CORIN: variants seen among roughly 807,000 people sequenced by gnomAD.
CORIN encodes atrial natriuretic peptide-converting enzyme.
Under a neutral mutation model 125.3 loss-of-function variants are expected in CORIN, and 117 were observed. The observed-to-expected ratio is 0.93, with a 90% confidence interval of 0.80 to 1.09. The LOEUF is 1.09. Ranked by LOEUF, CORIN falls within the 50% of genes least tolerant of loss-of-function variation. CORIN has a pLI of 0.00. For missense variants in CORIN, 1,253 were observed against 1,306.7 expected, an observed-to-expected ratio of 0.96 and a Z score of 0.63; for synonymous variants, 450 against 466.4, an observed-to-expected ratio of 0.96 and a Z score of 0.45.
chr4:47,687,222 T>C (rs1725560521), intron 6 of CORIN, among the ~76,000 whole-genome samples: 1 of 152,186 alleles, frequency 6.6e-6, no homozygotes, highest in Non-Finnish European at 1.5e-5. Flanking sequence ...CGCAAAACCT[T>C]AACCAGAGGC....
At chr4:47,730,259 G>A (rs1195539244) in intron 5 of CORIN, among the ~76,000 whole-genome samples, 1 of 152,086 alleles carries the variant, frequency 6.6e-6, no homozygotes, top group Non-Finnish European at 1.5e-5. Context: ...CGGATCACGA[G>A]GTCAGGAGTT....
At chr4:47,732,650 G>A (rs1289934089) in intron 5 of CORIN, among the ~76,000 whole-genome samples, 1 of 147,596 alleles carries the variant, frequency 6.8e-6, no homozygotes, top group East Asian at 2.0e-4. Flanking sequence ...TGCAACCTCC[G>A]CCTCCCAGGC....
At chr4:47,678,804 C>G (rs1577816956) in intron 8 of CORIN, among the ~76,000 whole-genome samples, 1 of 150,060 alleles carries the variant, frequency 6.7e-6, no homozygotes, top group Admixed American at 6.7e-5. Flanking sequence ...GTTCTTGAGT[C>G]AAGACTCCAC....
intron 5 of CORIN, among the ~76,000 whole-genome samples, chr4:47,714,004 T>C (rs1162189971): frequency 6.6e-6 from 1 of 152,120 alleles, no homozygotes; most frequent in Non-Finnish European, 1.5e-5. Context: ...AGGTACCTCA[T>C]GAAAGGAGAC....
chr4:47,701,671 TA>T, intron 5 of CORIN, among the ~76,000 whole-genome samples: 1 of 152,130 alleles, frequency 6.6e-6, no homozygotes, highest in Non-Finnish European at 1.5e-5. Context: ...ATTTTAAATC[TA>T]ATTTAAAAAG....
chr4:47,688,285 C>T lies in CORIN; in HGVS notation c.914-4447G>A, dbSNP rs148182150. On this transcript the variant is annotated intron_variant, in intron 6 of 21. Coordinates refer to ENST00000273857, the MANE Select transcript of CORIN (RefSeq NM_006587.4). Reference sequence around the variant, plus strand: ...CAATTTTTTTGACTTTGTGATATTGCTTGTGTTATACTGTTTTAAAATACC... The same window carrying T: ...CAATTTTTTTGACTTTGTGATATTGTTTGTGTTATACTGTTTTAAAATACC... Among the ~76,000 whole-genome samples, 165 of 152,170 alleles carry T rather than the reference C, an allele frequency of 1.1e-3. 2 individuals are homozygous for T. The highest frequency in any genetic ancestry group is 3.7e-3 in the African/African-American group (154 of 41,504).
At chr4:47,772,080 G>GAT (rs1577909565) in intron 3 of CORIN, among the ~76,000 whole-genome samples, 1 of 142,216 alleles carries the variant, frequency 7.0e-6, no homozygotes, top group African/African-American at 2.7e-5. Context: ...ACATTACATA[G>GAT]ATAGATAGAT....
At chr4:47,831,792 T>C (rs1866688) in intron 1 of CORIN, among the ~76,000 whole-genome samples, 22,931 of 151,760 alleles carry the variant, frequency 0.15, 1,941 homozygotes, top group East Asian at 0.31. Context: ...CCTTTGCATA[T>C]AGGGTCTTTG....
At chr4:47,715,750 T>C (rs1727060913) in intron 5 of CORIN, among the ~76,000 whole-genome samples, 1 of 152,172 alleles carries the variant, frequency 6.6e-6, no homozygotes, top group East Asian at 1.9e-4. Context: ...TTCAGACACA[T>C]AAAGAAAGAT....
intron 5 of CORIN, among the ~76,000 whole-genome samples, chr4:47,718,487 G>A (rs185341931): frequency 1.3e-5 from 2 of 152,146 alleles, no homozygotes; most frequent in Admixed American, 1.3e-4. Context: ...GCAGTCATTG[G>A]CATCCAGCAT....
At chr4:47,799,143 G>GTGTGTGTA (rs1553918934) in intron 2 of CORIN, among the ~76,000 whole-genome samples, 2 of 151,156 alleles carry the variant, frequency 1.3e-5, no homozygotes, top group East Asian at 3.9e-4. Context: ...GTGTGTGTGT[G>GTGTGTGTA]TGTATGTCTC....
chr4:47,779,144 A>G (rs1037055872), intron 3 of CORIN, among the ~76,000 whole-genome samples: 1 of 152,238 alleles, frequency 6.6e-6, no homozygotes, highest in African/African-American at 2.4e-5. Context: ...ACATTTCAAG[A>G]TATTATTTAT....
At chr4:47,660,549 C>T (rs184808228) in intron 12 of CORIN, among the ~76,000 whole-genome samples, 89 of 152,162 alleles carry the variant, frequency 5.8e-4, no homozygotes, top group Admixed American at 8.5e-4. Context: ...AGAAGACATA[C>T]GAATGACAAA....
At chr4:47,648,598 A>G (rs1329194093) in intron 13 of CORIN, among the ~76,000 whole-genome samples, 1 of 152,294 alleles carries the variant, frequency 6.6e-6, no homozygotes, top group East Asian at 1.9e-4. Flanking sequence ...AACAGTTGTC[A>G]TTACAAATAA....
At chr4:47,740,660 G>A (rs963042289) in intron 5 of CORIN, among the ~76,000 whole-genome samples, 3 of 151,840 alleles carry the variant, frequency 2.0e-5, no homozygotes, top group African/African-American at 7.2e-5. Context: ...AGAAAGGCAA[G>A]GGACCCAGGA....
chr4:47,718,434 G>A (rs1049053695), intron 5 of CORIN, among the ~76,000 whole-genome samples: 1 of 152,070 alleles, frequency 6.6e-6, no homozygotes, highest in Non-Finnish European at 1.5e-5. Flanking sequence ...TAACTATTAG[G>A]TAGTAAGGAA....
chr4:47,609,244 A>AT (rs1212727430), intron 19 of CORIN, among the ~76,000 whole-genome samples: 1 of 151,602 alleles, frequency 6.6e-6, no homozygotes. Context: ...TTTATTATTT[A>AT]TTTATTTTTT....
chr4:47,739,944 AG>A (rs1485782586), intron 5 of CORIN, among the ~76,000 whole-genome samples: 1 of 151,986 alleles, frequency 6.6e-6, no homozygotes, highest in Admixed American at 6.6e-5. Flanking sequence ...AAAATAGCCA[AG>A]CAACAAGAAA....
At chr4:47,783,270 T>C (rs1290415254) in intron 3 of CORIN, among the ~76,000 whole-genome samples, 1 of 152,086 alleles carries the variant, frequency 6.6e-6, no homozygotes, top group African/African-American at 2.4e-5. Context: ...TGCTGAAACA[T>C]AGTATGAACA....
Sources: allele counts gnomAD v4.1 joint callset (sites outside exome capture counted in the v4.1 genomes callset), GRCh38; gene constraint gnomAD v4.1.1; transcripts MANE v1.5; gene names NCBI Gene and HGNC (gene_info 2026-07-23, HGNC 2026-07-21).